The following CC2D2A variants were observed in gnomAD, a reference collection of about 807,000 sequenced individuals.
CC2D2A encodes coiled-coil and C2 domain-containing protein 2A.
CC2D2A carries 155 observed loss-of-function variants against 212.9 expected under a neutral mutation model. That is an observed-to-expected ratio of 0.73 (90% CI 0.64 to 0.83). The LOEUF (loss-of-function observed/expected upper bound fraction) is 0.83, where lower values mean the gene tolerates loss of function less well. Ranked by LOEUF, CC2D2A falls within the 40% of genes least tolerant of loss-of-function variation. The probability of loss-of-function intolerance (pLI) is 0.00; values close to 1 mark genes in which losing one functional copy is unlikely to be tolerated. For synonymous variants in CC2D2A, 667 were observed against 686.5 expected, an observed-to-expected ratio of 0.97 and a Z score of 0.44; for missense variants, 1,856 against 1,956.2, an observed-to-expected ratio of 0.95 and a Z score of 0.97.
chr4:15,580,395 T>C (rs1239346945), intron 30 of CC2D2A, among the ~76,000 whole-genome samples: 1 of 152,148 alleles, frequency 6.6e-6, no homozygotes, highest in Non-Finnish European at 1.5e-5. Context: ...CCCAGCACTT[T>C]GGGAGGCCAA....
At chr4:15,571,506 C>A (rs1254771736) in intron 28 of CC2D2A, among the ~76,000 whole-genome samples, 3 of 151,920 alleles carry the variant, frequency 2.0e-5, no homozygotes, top group South Asian at 4.2e-4. Flanking sequence ...TCCATTAAAA[C>A]CAAGACCAAT....
Position 15,567,415 on chromosome 4 carries a change from G to C in CC2D2A, c.3221G>C (p.Ser1074Thr). The C allele has an allele frequency of 1.2e-6, 2 of 1,613,492 alleles. No individual in the cohort carries two copies. Among genetic ancestry groups the C allele is most frequent in the Non-Finnish European group, 1.7e-6 (2 of 1,179,670 alleles). The change falls in exon 25 of 37, where the codon AGT (serine) becomes ACT (threonine). Residue 1074 changes from serine (S) to threonine (T), a missense_variant. By Grantham distance (58) the Ser-to-Thr change is moderately conservative. This residue lies in a region of CC2D2A where 1,512 missense variants were observed against 1,579.3 expected (regional missense o/e 0.96). Transcript: ENST00000424120. ...CCGTCGAGGTCTTCAAGGATGTTCA[G>C]TGAAAAGCATGCTGCTTCCCCAAGC... Reference protein sequence around the residue: ...QQPSRSSRMFSEKHAASPSTY... With the variant: ...QQPSRSSRMFTEKHAASPSTY...
At chr4:15,540,046 C>T (rs1049121911) in intron 16 of CC2D2A, among the ~76,000 whole-genome samples, 2 of 152,094 alleles carry the variant, frequency 1.3e-5, no homozygotes, top group African/African-American at 4.8e-5. Context: ...GAATCATACA[C>T]TTAAAAATGG....
At chr4:15,591,939 C>T (rs1420266243) in intron 33 of CC2D2A, among the ~76,000 whole-genome samples, 4 of 152,180 alleles carry the variant, frequency 2.6e-5, no homozygotes, top group Non-Finnish European at 5.9e-5. Context: ...GTAATAGTAG[C>T]TTATGATGTT....
At chr4:15,490,633 C>T (rs1380735564) in intron 4 of CC2D2A, among the ~76,000 whole-genome samples, 1 of 152,150 alleles carries the variant, frequency 6.6e-6, no homozygotes, top group Non-Finnish European at 1.5e-5. Context: ...TTTGTGTAAA[C>T]TTATGTTTTC....
chr4:15,600,206 A>T (rs1721523380), intron 36 of CC2D2A, among the ~76,000 whole-genome samples: 1 of 152,258 alleles, frequency 6.6e-6, no homozygotes, highest in Non-Finnish European at 1.5e-5. Flanking sequence ...AACAGTGTGA[A>T]GGTCAAATTA....
rs771914973 is a variant in CC2D2A, at chr4:15,569,374, G to T, written c.3480G>T (p.Leu1160=). The change falls in exon 27 of 37, where the codon CTG becomes CTT. Residue 1160 remains leucine (L), a synonymous_variant. Transcript: ENST00000424120. ...VVFINIFDEV[L]HDVLEDDRER... ...TCATTAACATTTTTGATGAAGTACT[G>T]CATGATGTCTTAGAGGTAAGTTCTC... 457 of 1,564,934 alleles carry T rather than the reference G, an allele frequency of 2.9e-4. No homozygotes were observed. Among genetic ancestry groups the T allele is most frequent in the Non-Finnish European group, 3.6e-4 (410 of 1,150,088 alleles).
chr4:15,560,241 A>AT (rs1447346557), intron 22 of CC2D2A, among the ~76,000 whole-genome samples: 3 of 152,128 alleles, frequency 2.0e-5, no homozygotes, highest in Admixed American at 2.0e-4. Context: ...GTAATGGTTA[A>AT]TTCATTATTT....
At position 15,563,416 on chromosome 4, in the gene CC2D2A, A is replaced by G. The variant is rs759702917; in HGVS notation, c.3076A>G (p.Lys1026Glu). 3.7e-6 allele frequency: 6 copies of G among 1,609,750 alleles called. No homozygotes were observed. In the Admixed American group the frequency reaches 6.7e-5, roughly 18 times the overall value. Residue 1026 changes from lysine (K) to glutamate (E), a missense_variant, in exon 24 of 37, where the codon AAA becomes GAA. Physicochemically the swap from Lys to Glu is moderately conservative, Grantham distance 56. Transcript: ENST00000424120. ...EQKRPLRPRRKGRKKVTAQNL... is the reference protein window; with the variant it reads ...EQKRPLRPRREGRKKVTAQNL... ...AAAGCGACCACTGCGGCCAAGGAGA[A>G]AAGGTCGGAAGAAGGTGACAGCCCA...
intron 26 of CC2D2A, 65 bp downstream of exon 26, chr4:15,567,851 C>T (rs749227643): frequency 6.5e-5 from 77 of 1,186,994 alleles, no homozygotes; most frequent in Non-Finnish European, 8.7e-5. Context: ...AAAGCAGGCT[C>T]ATGAGAAACG....
At chr4:15,478,029 C>G (rs2108968865) in intron 2 of CC2D2A, among the ~76,000 whole-genome samples, 1 of 152,248 alleles carries the variant, frequency 6.6e-6, no homozygotes, top group South Asian at 2.1e-4. Flanking sequence ...TTTTTGTTCA[C>G]CCAGGGGCAC....
Position 15,502,664 on chromosome 4 carries a change from A to C in CC2D2A, c.336+147A>C, listed in dbSNP as rs1716027666. 6 of 1,000,814 alleles carry C rather than the reference A, an allele frequency of 6.0e-6. No individual in the cohort carries two copies. In the South Asian group the frequency reaches 9.8e-5, roughly 16 times the overall value. 62.0% of individuals were successfully genotyped at this position (1,000,814 alleles called of 1,614,324 possible). On this transcript the variant is annotated intron_variant, in intron 5 of 36. Coordinates refer to ENST00000424120, the MANE Select transcript of CC2D2A (RefSeq NM_001378615.1). ...TTTAAATGTTAATGTCTTATTTTGC[A>C]TTGGCACAGATGAAAATTATGCTTC...
intron 8 of CC2D2A, among the ~76,000 whole-genome samples, chr4:15,513,803 T>C (rs1716705674): frequency 6.6e-6 from 1 of 152,234 alleles, no homozygotes; most frequent in South Asian, 2.1e-4. Flanking sequence ...GTTTTGGCAT[T>C]CTCTGTCTTC....
chr4:15,579,852 A>T, intron 29 of CC2D2A, 116 bp from the exon 30 acceptor site: 1 of 771,146 alleles, frequency 1.3e-6, no homozygotes, highest in Non-Finnish European at 2.2e-6. Context: ...ACAGCTTTGT[A>T]AGGAGTCAGT....
chr4:15,519,252 T>G (rs956770961), intron 11 of CC2D2A: 1 of 370,366 alleles, frequency 2.7e-6, no homozygotes, highest in Non-Finnish European at 5.2e-6. Context: ...GACACCAGTC[T>G]CTTTGCTAAA....
chr4:15,587,917 T>C lies in CC2D2A; in HGVS notation c.4167T>C (p.Asn1389=), dbSNP rs576183875. 4 of 1,605,418 alleles carry C rather than the reference T, an allele frequency of 2.5e-6. No homozygotes were observed. Among genetic ancestry groups the C allele is most frequent in the Non-Finnish European group, 3.4e-6 (4 of 1,172,402 alleles). ...LGKKAWLLMG[N]AIPEGPTAYV... Reference sequence around the variant, plus strand: ...AGAAGGCCTGGCTGTTGATGGGCAATGCTATTCCTGAGGTAAGACCACATA... The same window carrying C: ...AGAAGGCCTGGCTGTTGATGGGCAACGCTATTCCTGAGGTAAGACCACATA... Residue 1389 remains asparagine, a synonymous_variant, in exon 32 of 37, where the codon AAT becomes AAC. Transcript: ENST00000424120.
chr4:15,516,055 G>C, intron 10 of CC2D2A, 51 bp downstream of exon 10: 1 of 1,459,220 alleles, frequency 6.9e-7, no homozygotes. Context: ...ACTAGACATA[G>C]CTTTTATTTT....
chr4:15,563,678 A>G (rs1719729971), intron 24 of CC2D2A, 156 bp downstream of exon 24: 1 of 677,266 alleles, frequency 1.5e-6, no homozygotes, highest in Non-Finnish European at 2.5e-6. Flanking sequence ...TTTGCAAGTA[A>G]TACATTCCAA....
intron 6 of CC2D2A, among the ~76,000 whole-genome samples, chr4:15,507,688 A>G (rs1309413748): frequency 6.6e-6 from 1 of 152,210 alleles, no homozygotes; most frequent in Non-Finnish European, 1.5e-5. Flanking sequence ...TCCTAGAGGA[A>G]AGAGAGATGG....
Sources: allele counts gnomAD v4.1 joint callset (sites outside exome capture counted in the v4.1 genomes callset), GRCh38; gene constraint gnomAD v4.1.1; regional missense constraint gnomAD v4.1.1; transcripts MANE v1.5; gene names NCBI Gene and HGNC (gene_info 2026-07-23, HGNC 2026-07-21).